The following AOPEP variants were observed in gnomAD, a reference collection of about 807,000 sequenced individuals.
AOPEP encodes aminopeptidase O (putative), also known as aminopeptidase O.
A neutral mutation model predicts 98.1 loss-of-function variants in AOPEP; 77 were observed. That is an observed-to-expected ratio of 0.78 (90% CI 0.65 to 0.95). AOPEP has a LOEUF of 0.95. Among genes scored for constraint, AOPEP ranks in the 40% least tolerant of loss-of-function variants. AOPEP has a pLI of 0.00. For synonymous variants in AOPEP, 346 were observed against 365.3 expected (o/e 0.95, Z 0.60); for missense variants, 1,024 against 1,024.7 (o/e 1.00, Z 0.01).
At chr9:94,899,330 G>A (rs966146911) in intron 5 of AOPEP, among the ~76,000 whole-genome samples, 4 of 148,270 alleles carry the variant, frequency 2.7e-5, no homozygotes, top group African/African-American at 7.5e-5. Context: ...GACTATAGGC[G>A]CCCGCCACCA....
chr9:94,885,348 C>CAAAAAAAAAAAAAAAAAAAA (rs71366268), intron 5 of AOPEP, among the ~76,000 whole-genome samples: 5 of 35,952 alleles, frequency 1.4e-4, no homozygotes, highest in Non-Finnish European at 2.6e-4. Flanking sequence ...GATCCTGTCT[C>CAAAAAAAAAAAAAAAAAAAA]AAAAAAAAAA....
At chr9:94,778,626 G>A (rs1163625211) in intron 3 of AOPEP, among the ~76,000 whole-genome samples, 2 of 152,206 alleles carry the variant, frequency 1.3e-5, no homozygotes, top group East Asian at 1.9e-4. Flanking sequence ...AGGAAGAAAT[G>A]AGTGCAAGGG....
downstream of AOPEP, among the ~76,000 whole-genome samples, chr9:95,088,212 T>G (rs561510233): frequency 6.6e-6 from 1 of 151,992 alleles, no homozygotes; most frequent in African/African-American, 2.4e-5. Context: ...CTTTTTTTTT[T>G]CCTTCCTTTC....
At chr9:95,065,724 C>T (rs896169216) in intron 14 of AOPEP, among the ~76,000 whole-genome samples, 2 of 152,224 alleles carry the variant, frequency 1.3e-5, no homozygotes, top group East Asian at 3.9e-4. Flanking sequence ...CCCCCGGGAT[C>T]CCAAAAGGGC....
At chr9:94,766,914 T>C (rs1199692418) in intron 2 of AOPEP, among the ~76,000 whole-genome samples, 1 of 152,220 alleles carries the variant, frequency 6.6e-6, no homozygotes, top group East Asian at 1.9e-4. Flanking sequence ...CTTGCTCAGC[T>C]ATTGGGCCAG....
chr9:94,958,134 C>A (rs914437946), intron 9 of AOPEP, among the ~76,000 whole-genome samples: 4 of 152,182 alleles, frequency 2.6e-5, no homozygotes, highest in African/African-American at 9.7e-5. Flanking sequence ...GTAAGTGGAA[C>A]CACACAGTAT....
chr9:95,136,152 AG>A, the AOPEP span, among the ~76,000 whole-genome samples: 1 of 152,306 alleles, frequency 6.6e-6, no homozygotes, highest in Admixed American at 6.5e-5. Flanking sequence ...ACACTTTGAG[AG>A]ACTGAGGTAG....
intron 5 of AOPEP, among the ~76,000 whole-genome samples, chr9:94,850,473 T>A (rs1588535734): frequency 6.6e-6 from 1 of 152,272 alleles, no homozygotes; most frequent in East Asian, 1.9e-4. Flanking sequence ...GCAATGTACC[T>A]TTAATCCTCA....
At chr9:94,897,267 A>G (rs987557085) in intron 5 of AOPEP, among the ~76,000 whole-genome samples, 2 of 152,180 alleles carry the variant, frequency 1.3e-5, no homozygotes, top group Non-Finnish European at 2.9e-5. Flanking sequence ...ACTCAAAAAT[A>G]AAGTCAAATA....
the AOPEP span, among the ~76,000 whole-genome samples, chr9:95,122,346 G>A: frequency 6.6e-6 from 1 of 152,176 alleles, no homozygotes; most frequent in Non-Finnish European, 1.5e-5. Flanking sequence ...GTTTTGATTA[G>A]CTAAAAATGG....
At chr9:94,797,160 G>A (rs1847132261) in intron 4 of AOPEP, among the ~76,000 whole-genome samples, 1 of 152,180 alleles carries the variant, frequency 6.6e-6, no homozygotes. Flanking sequence ...TTGGCCAGGC[G>A]CGGTGGCTCA....
At chr9:94,863,425 C>T (rs750651256) in intron 5 of AOPEP, among the ~76,000 whole-genome samples, 14 of 152,038 alleles carry the variant, frequency 9.2e-5, no homozygotes, top group Non-Finnish European at 1.9e-4. Flanking sequence ...GGACTACAGG[C>T]GCCCACCACC....
the AOPEP span, chr9:95,101,428 G>A: frequency 5.9e-6 from 3 of 509,686 alleles, no homozygotes; most frequent in East Asian, 1.0e-4. Flanking sequence ...CTTTGCTTTA[G>A]TAATTATCAA....
At chr9:95,060,848 C>T in intron 14 of AOPEP, 38 bp downstream of exon 14, 2 of 1,293,986 alleles carry the variant, frequency 1.5e-6, no homozygotes, top group Non-Finnish European at 2.3e-6. Context: ...CCAGCAGGTC[C>T]CCACTGTTGT....
chr9:94,983,544 C>G (rs1233118689), intron 11 of AOPEP, among the ~76,000 whole-genome samples: 1 of 152,218 alleles, frequency 6.6e-6, no homozygotes, highest in Non-Finnish European at 1.5e-5. Context: ...CACAACCCAG[C>G]TCAGACCCAC....
intron 1 of AOPEP, among the ~76,000 whole-genome samples, chr9:94,732,196 A>G (rs1305239081): frequency 6.6e-6 from 1 of 151,890 alleles, no homozygotes; most frequent in Non-Finnish European, 1.5e-5. Flanking sequence ...AACTTCTAGA[A>G]TATGCCTTTT....
At chr9:94,844,181 G>A (rs117816614) in intron 5 of AOPEP, among the ~76,000 whole-genome samples, 231 of 152,090 alleles carry the variant, frequency 1.5e-3, no homozygotes, top group Admixed American at 3.3e-3. Context: ...TCAGCCCCAC[G>A]AGTAGCTGGG....
intron 7 of AOPEP, chr9:94,932,631 G>A (rs1169234952): frequency 1.1e-5 from 2 of 177,814 alleles, no homozygotes; most frequent in African/African-American, 4.8e-5. Context: ...CTGTAGGCAT[G>A]TGCCACTATG....
At chr9:94,746,713 C>T (rs1376680731) in intron 1 of AOPEP, among the ~76,000 whole-genome samples, 1 of 152,178 alleles carries the variant, frequency 6.6e-6, no homozygotes, top group Non-Finnish European at 1.5e-5. Flanking sequence ...GGAATGGCAT[C>T]TGGGTGCGAA....
Sources: allele counts gnomAD v4.1 joint callset (sites outside exome capture counted in the v4.1 genomes callset), GRCh38; gene constraint gnomAD v4.1.1; transcripts MANE v1.5; gene names NCBI Gene and HGNC (gene_info 2026-07-23, HGNC 2026-07-21).